The following ERC2 variants were observed in gnomAD, a reference collection of about 807,000 sequenced individuals.
The protein encoded by ERC2 is ERC protein 2.
A neutral mutation model predicts 114.8 loss-of-function variants in ERC2; 42 were observed. The ratio of observed to expected loss-of-function variants is 0.37; its 90% confidence interval spans 0.29 to 0.47. The LOEUF (loss-of-function observed/expected upper bound fraction) is 0.47, where lower values mean the gene tolerates loss of function less well. Ranked by LOEUF, ERC2 falls within the 20% of genes least tolerant of loss-of-function variation. ERC2 has a pLI of 0.99. For synonymous variants in ERC2, 454 were observed against 425.5 expected (o/e 1.07, Z -0.82); for missense variants, 939 against 1,150.7 (o/e 0.82, Z 2.66).
chr3:55,674,851 C>T (rs1219201656), intron 17 of ERC2, among the ~76,000 whole-genome samples: 2 of 152,170 alleles, frequency 1.3e-5, no homozygotes, highest in African/African-American at 4.8e-5. Context: ...CAACCACCCA[C>T]ACAAACCTAA....
chr3:56,464,150 T>G (rs949190904), intron 1 of ERC2, among the ~76,000 whole-genome samples: 1 of 152,240 alleles, frequency 6.6e-6, no homozygotes, highest in African/African-American at 2.4e-5. Context: ...CTAACCATAA[T>G]TTTTACATGC....
chr3:56,049,052 G>T (rs527793921), intron 7 of ERC2, among the ~76,000 whole-genome samples: 2 of 152,160 alleles, frequency 1.3e-5, no homozygotes, highest in East Asian at 1.9e-4. Context: ...AATGGCCAAA[G>T]GGGGGCAGGC....
intron 13 of ERC2, among the ~76,000 whole-genome samples, chr3:55,891,071 T>A (rs1445898005): frequency 6.6e-6 from 1 of 152,192 alleles, no homozygotes; most frequent in Non-Finnish European, 1.5e-5. Flanking sequence ...GCTGGGGTGA[T>A]CATTAGGGTG....
intron 2 of ERC2, among the ~76,000 whole-genome samples, chr3:56,390,661 G>A (rs1272280448): frequency 6.6e-6 from 1 of 152,136 alleles, no homozygotes; most frequent in Non-Finnish European, 1.5e-5. Flanking sequence ...AATAATTGAG[G>A]TGCATTTTCA....
chr3:55,700,582 G>A (rs12487688), intron 15 of ERC2, among the ~76,000 whole-genome samples: 6 of 152,214 alleles, frequency 3.9e-5, no homozygotes, highest in Admixed American at 3.9e-4. Context: ...AGTTACTGCT[G>A]TTGTTGTTTG....
chr3:56,001,533 T>C (rs2072059458), intron 10 of ERC2, among the ~76,000 whole-genome samples: 1 of 152,098 alleles, frequency 6.6e-6, no homozygotes, highest in African/African-American at 2.4e-5. Context: ...AGTCAGTCAA[T>C]GACTTTTGAA....
intron 13 of ERC2, among the ~76,000 whole-genome samples, chr3:55,918,856 C>A (rs890925911): frequency 7.3e-5 from 11 of 150,726 alleles, no homozygotes; most frequent in Non-Finnish European, 7.4e-5. Context: ...TGCCAAAACA[C>A]AGCATTGTGT....
chr3:55,576,709 G>A (rs759513901), intron 17 of ERC2, among the ~76,000 whole-genome samples: 4 of 152,362 alleles, frequency 2.6e-5, no homozygotes, highest in South Asian at 4.1e-4. Context: ...GCTCACAGCC[G>A]TCCCCTGTAT....
At chr3:56,071,299 A>C (rs2076730187) in intron 7 of ERC2, among the ~76,000 whole-genome samples, 1 of 152,214 alleles carries the variant, frequency 6.6e-6, no homozygotes, top group African/African-American at 2.4e-5. Context: ...GGAAAAGTGT[A>C]ATCAGATTCA....
intron 17 of ERC2, among the ~76,000 whole-genome samples, chr3:55,536,391 G>A (rs766844269): frequency 5.9e-5 from 9 of 152,148 alleles, no homozygotes; most frequent in South Asian, 4.1e-4. Context: ...GTAGCTGTGC[G>A]GTCCTCCCAG....
intron 17 of ERC2, among the ~76,000 whole-genome samples, chr3:55,590,578 G>T (rs917108918): frequency 1.3e-5 from 2 of 152,110 alleles, no homozygotes; most frequent in Admixed American, 6.5e-5. Context: ...AAAACTACAC[G>T]AACTGACCTG....
intron 13 of ERC2, among the ~76,000 whole-genome samples, chr3:55,949,640 TTATC>T (rs1375310256): frequency 1.3e-5 from 2 of 152,222 alleles, no homozygotes; most frequent in African/African-American, 4.8e-5. Context: ...CATATTGAAA[TTATC>T]TAACTTCTCC....
intron 11 of ERC2, among the ~76,000 whole-genome samples, chr3:55,989,983 C>G (rs2070929309): frequency 6.6e-6 from 1 of 152,114 alleles, no homozygotes; most frequent in Admixed American, 6.5e-5. Context: ...GACTACAGGC[C>G]CAATCTCAGG....
In ERC2 at chr3:55,994,772, C is replaced by T. The variant is rs1425150398; in HGVS notation, c.2062-2522G>A. ...CCATGAAGAAAAGATGATTATTCAA[C>T]GCCACTTTTCAACAGTGGGTGAAAT... is the stretch of plus-strand genomic sequence containing the variant. On this transcript the variant is annotated intron_variant, in intron 10 of 17. Coordinates refer to ENST00000288221, the MANE Select transcript of ERC2 (RefSeq NM_015576.3). Among the ~76,000 whole-genome samples the T allele has an allele frequency of 9.3e-5, 14 of 150,654 alleles. 1 individual carries two copies. Among genetic ancestry groups the T allele is most frequent in the Admixed American group, 8.6e-4 (13 of 15,122 alleles).
intron 3 of ERC2, among the ~76,000 whole-genome samples, chr3:56,286,388 T>C (rs1323781892): frequency 9.1e-6 from 1 of 110,062 alleles, no homozygotes; most frequent in Admixed American, 1.4e-4. Context: ...CACTCCAACC[T>C]GGGCAACAAA....
chr3:55,933,419 A>C (rs867013696), intron 13 of ERC2, among the ~76,000 whole-genome samples: 2 of 152,212 alleles, frequency 1.3e-5, no homozygotes, highest in Non-Finnish European at 2.9e-5. Flanking sequence ...AGCAAACACA[A>C]TTCTTCAGCC....
intron 14 of ERC2, among the ~76,000 whole-genome samples, chr3:55,878,877 T>C (rs191607468): frequency 1.1e-3 from 160 of 152,338 alleles, no homozygotes; most frequent in Admixed American, 1.6e-3. Context: ...CTCTTGATTC[T>C]ACCTGACATG....
chr3:55,867,036 TTTATGTTTTG>T (rs2062352259), intron 14 of ERC2, among the ~76,000 whole-genome samples: 1 of 152,102 alleles, frequency 6.6e-6, no homozygotes, highest in Non-Finnish European at 1.5e-5. Context: ...TCATTAGGAA[TTTATGTTTTG>T]TTTTGTTTTG....
At chr3:55,632,954 T>C (rs1455732633) in intron 17 of ERC2, among the ~76,000 whole-genome samples, 2 of 152,196 alleles carry the variant, frequency 1.3e-5, no homozygotes, top group Non-Finnish European at 2.9e-5. Context: ...GATCTTCCCA[T>C]TTTATGACCT....
Sources: allele counts gnomAD v4.1 joint callset (sites outside exome capture counted in the v4.1 genomes callset), GRCh38; gene constraint gnomAD v4.1.1; transcripts MANE v1.5; gene names NCBI Gene and HGNC (gene_info 2026-07-23, HGNC 2026-07-21).